Variants in OTOA observed in about 807,000 individuals in gnomAD.
OTOA encodes otoancorin.
A neutral mutation model predicts 110.8 loss-of-function variants in OTOA; 70 were observed. That is an observed-to-expected ratio of 0.63 (90% CI 0.52 to 0.77). The LOEUF is 0.77. Ranked by LOEUF, OTOA falls within the 30% of genes least tolerant of loss-of-function variation. OTOA has a pLI of 0.00. For missense variants in OTOA, 917 were observed against 1,075.8 expected, an observed-to-expected ratio of 0.85 and a Z score of 2.06; for synonymous variants, 373 against 431.5, an observed-to-expected ratio of 0.86 and a Z score of 1.68.
At chr16:21,684,350 C>T in intron 6 of OTOA, 2 of 1,389,806 alleles carry the variant, frequency 1.4e-6, no homozygotes, top group East Asian at 2.7e-5. Context: ...ATTCCCCAGA[C>T]AGCAGAGGAA....
At chr16:21,697,348 G>A (rs887597348) in intron 9 of OTOA, among the ~76,000 whole-genome samples, 1 of 152,060 alleles carries the variant, frequency 6.6e-6, no homozygotes, top group Non-Finnish European at 1.5e-5. Context: ...ACAAATTAAT[G>A]TGGCTGGGCA....
chr16:21,725,697 C>T (rs986109324), intron 18 of OTOA, among the ~76,000 whole-genome samples: 2 of 152,066 alleles, frequency 1.3e-5, no homozygotes, highest in Non-Finnish European at 2.9e-5. Context: ...TGGGGGAAGA[C>T]GTTGTATCTG....
chr16:21,675,307 ATTTTTTTT>A (rs57498010), intron 1 of OTOA, among the ~76,000 whole-genome samples: 3 of 37,132 alleles, frequency 8.1e-5, no homozygotes, highest in African/African-American at 2.1e-4. Flanking sequence ...ACACCTGGCT[ATTTTTTTT>A]TTTTTTTTTT....
intron 15 of OTOA, among the ~76,000 whole-genome samples, chr16:21,717,966 T>C (rs1898607847): frequency 1.3e-5 from 2 of 152,138 alleles, no homozygotes. Context: ...TTATTCTGTT[T>C]TATTTTTTGA....
chr16:21,736,800 C>A (rs1427664704), intron 22 of OTOA, among the ~76,000 whole-genome samples: 4 of 152,240 alleles, frequency 2.6e-5, no homozygotes, highest in Admixed American at 2.6e-4. Context: ...CACTGCACTC[C>A]AGCCTGGGTG....
At chr16:21,724,860 TCCG>T (rs942187817) in intron 18 of OTOA, among the ~76,000 whole-genome samples, 1 of 152,038 alleles carries the variant, frequency 6.6e-6, no homozygotes, top group Non-Finnish European at 1.5e-5. Context: ...CATTGCAACC[TCCG>T]CCACCTGGGT....
rs755291566 is a variant in OTOA at position 21,719,425 on chromosome 16, T to C, written c.1727T>C (p.Ile576Thr). ...GTCAAAGGCGTGACCTGCTCACACA[T>C]TGATGCCATGAGCACTGACTTCTTT... ...QLVKGVTCSH[I>T]DAMSTDFFLA... Residue 576 changes from isoleucine to threonine, a missense_variant, in exon 17 of 29, where the codon ATT becomes ACT. By Grantham distance (89) the Ile-to-Thr change is moderately conservative (BLOSUM62 -1). Coordinates refer to ENST00000646100, the MANE Select transcript of OTOA (RefSeq NM_144672.4). 32 of 1,614,092 alleles carry C rather than the reference T, an allele frequency of 2.0e-5. No homozygotes were observed. In the South Asian group the frequency reaches 3.1e-4, roughly 16 times the overall value.
chr16:21,712,744 C>G (rs1450807462), intron 13 of OTOA, among the ~76,000 whole-genome samples: 1 of 151,206 alleles, frequency 6.6e-6, no homozygotes, highest in Non-Finnish European at 1.5e-5. Context: ...ACTCGGGAGG[C>G]TGAGGCAGGA....
intron 1 of OTOA, among the ~76,000 whole-genome samples, chr16:21,668,246 C>G (rs1293483100): frequency 6.6e-6 from 1 of 151,868 alleles, no homozygotes; most frequent in Non-Finnish European, 1.5e-5. Context: ...GTGGCTAGGA[C>G]TACAGGTGTG....
intron 8 of OTOA, among the ~76,000 whole-genome samples, chr16:21,689,291 T>C (rs1897782093): frequency 6.6e-6 from 1 of 152,172 alleles, no homozygotes; most frequent in African/African-American, 2.4e-5. Context: ...AAACAGACAG[T>C]ATGCTGACCT....
chr16:21,669,324 C>G (rs1397877942), intron 1 of OTOA, among the ~76,000 whole-genome samples: 5 of 152,034 alleles, frequency 3.3e-5, no homozygotes, highest in Non-Finnish European at 5.9e-5. Context: ...GCGTGCGTGA[C>G]AGAGTGAGAC....
rs559196241 is a variant in OTOA, at chr16:21,758,050, C to A, written c.3349+773C>A. On this transcript the variant is annotated intron_variant, in intron 28 of 28. Coordinates refer to ENST00000646100, the MANE Select transcript of OTOA (RefSeq NM_144672.4). ...TGTAAATGAAGAAGATATTTCAAAT[C>A]TGACAAGACCAGGGAGGGTGATAGT... is the stretch of plus-strand genomic sequence containing the variant. 1.8e-4 allele frequency among the ~76,000 whole-genome samples: 28 copies of A among 152,052 alleles called. 1 individual carries two copies. In the East Asian group the frequency reaches 5.0e-3, roughly 27 times the overall value.
chr16:21,739,061 T>C (rs1351048285), intron 22 of OTOA, among the ~76,000 whole-genome samples: 1 of 152,312 alleles, frequency 6.6e-6, no homozygotes, highest in Non-Finnish European at 1.5e-5. Context: ...GGAAGGAAGC[T>C]CTGGTATCAG....
At chr16:21,679,263 A>T (rs1252576318) in intron 5 of OTOA, 52 bp downstream of exon 5, 1 of 1,571,732 alleles carries the variant, frequency 6.4e-7, no homozygotes, top group South Asian at 1.1e-5. Flanking sequence ...TTTAATAAAA[A>T]TTCTTAATGG....
At chr16:21,749,410 C>T (rs1264214347) in intron 24 of OTOA, among the ~76,000 whole-genome samples, 1 of 135,440 alleles carries the variant, frequency 7.4e-6, no homozygotes, top group Non-Finnish European at 1.6e-5. Flanking sequence ...CGCCTGTAAT[C>T]CCAGCTACTT....
chr16:21,722,783 G>C, intron 17 of OTOA, 122 bp from the exon 18 acceptor site: 2 of 820,890 alleles, frequency 2.4e-6, no homozygotes, highest in Non-Finnish European at 4.2e-6. Flanking sequence ...TTACATCATA[G>C]GGTGCTCTAT....
chr16:21,689,069 A>G (rs1897777324), intron 8 of OTOA, among the ~76,000 whole-genome samples: 1 of 152,100 alleles, frequency 6.6e-6, no homozygotes, highest in Admixed American at 6.6e-5. Flanking sequence ...TTGCGCTTTG[A>G]TGTAAACCAA....
intron 2 of OTOA, 138 bp from the exon 3 acceptor site, chr16:21,678,777 G>GTTATA: frequency 8.0e-7 from 1 of 1,244,628 alleles, no homozygotes; most frequent in Non-Finnish European, 1.2e-6. Context: ...GGTTTTCTCA[G>GTTATA]AGTGGACAGT....
intron 18 of OTOA, among the ~76,000 whole-genome samples, chr16:21,724,978 G>T (rs1038034242): frequency 2.0e-5 from 3 of 151,812 alleles, no homozygotes; most frequent in Non-Finnish European, 4.4e-5. Flanking sequence ...GGGTTTCACC[G>T]TGATGGCCAG....
Sources: allele counts gnomAD v4.1 joint callset (sites outside exome capture counted in the v4.1 genomes callset), GRCh38; gene constraint gnomAD v4.1.1; transcripts MANE v1.5; gene names NCBI Gene and HGNC (gene_info 2026-07-23, HGNC 2026-07-21).